Variants in CATSPERE observed in about 807,000 individuals in gnomAD.
CATSPERE encodes catsper channel auxiliary subunit epsilon, also known as cation channel sperm-associated auxiliary subunit epsilon.
A neutral mutation model predicts 114.1 loss-of-function variants in CATSPERE; 93 were observed. The observed-to-expected ratio is 0.81, with a 90% CI of 0.69 to 0.97. The LOEUF (loss-of-function observed/expected upper bound fraction) is 0.97. Ranked by LOEUF, CATSPERE falls within the 50% of genes least tolerant of loss-of-function variation. The pLI is 0.00. For synonymous variants in CATSPERE, 341 were observed against 384.1 expected (o/e 0.89, Z 1.31); for missense variants, 1,058 against 1,131.6 (o/e 0.93, Z 0.93).
At chr1:244,475,209 G>A in intron 2 of CATSPERE, among the ~76,000 whole-genome samples, 1 of 150,092 alleles carries the variant, frequency 6.7e-6, no homozygotes, top group Non-Finnish European at 1.5e-5. Flanking sequence ...ACTGAAAACA[G>A]AGTTTATTCA....
chr1:244,574,068 G>A (rs1664876593), intron 11 of CATSPERE, among the ~76,000 whole-genome samples: 1 of 152,220 alleles, frequency 6.6e-6, no homozygotes, highest in African/African-American at 2.4e-5. Flanking sequence ...TTGCTACTGT[G>A]TCTTGTCTCC....
intron 20 of CATSPERE, among the ~76,000 whole-genome samples, chr1:244,627,872 G>A (rs1396784094): frequency 1.3e-5 from 2 of 152,174 alleles, no homozygotes; most frequent in African/African-American, 4.8e-5. Flanking sequence ...ATTTTAAATT[G>A]CATGCCATTC....
intron 20 of CATSPERE, among the ~76,000 whole-genome samples, chr1:244,621,312 TA>T (rs1210380255): frequency 0.055 from 4,931 of 90,250 alleles, 1,171 homozygotes; most frequent in Non-Finnish European, 0.059. Context: ...TATAAATATA[TA>T]AAATATATAT....
At chr1:244,475,539 T>A (rs549889667) in intron 2 of CATSPERE, among the ~76,000 whole-genome samples, 10 of 127,788 alleles carry the variant, frequency 7.8e-5, no homozygotes, top group African/African-American at 3.3e-4. Context: ...TGGCCACAAT[T>A]TTTTTTTTTT....
intron 8 of CATSPERE, among the ~76,000 whole-genome samples, chr1:244,528,789 A>ACGCG (rs1558436387): frequency 7.3e-4 from 95 of 129,370 alleles, no homozygotes; most frequent in African/African-American, 3.2e-3. Context: ...CCCCCACCAC[A>ACGCG]CACACACACA....
chr1:244,610,426 G>A, intron 19 of CATSPERE, 100 bp downstream of exon 19: 1 of 834,612 alleles, frequency 1.2e-6, no homozygotes, highest in Non-Finnish European at 2.0e-6. Context: ...ATTTAAATTT[G>A]CTTTGGTAAA....
At chr1:244,544,532 G>A (rs1659416213) in intron 8 of CATSPERE, among the ~76,000 whole-genome samples, 2 of 152,184 alleles carry the variant, frequency 1.3e-5, no homozygotes, top group Non-Finnish European at 2.9e-5. Context: ...TTCCTGTCCT[G>A]TGAAGTGAGG....
intron 12 of CATSPERE, 22 bp from the exon 13 acceptor site, chr1:244,583,842 C>A (rs1007453295): frequency 1.2e-6 from 2 of 1,605,138 alleles, no homozygotes; most frequent in African/African-American, 2.7e-5. Flanking sequence ...ATACAATAAC[C>A]TGTACGAATT....
upstream of CATSPERE, chr1:244,451,579 G>T: frequency 6.5e-7 from 1 of 1,532,946 alleles, no homozygotes; most frequent in Non-Finnish European, 8.8e-7. This position sits in a 1 kb window ranked among gnomAD's most constrained non-coding sequence, Gnocchi z 6.6. Context: ...GGCACCAGGA[G>T]CCAGGCAGCC....
intron 8 of CATSPERE, among the ~76,000 whole-genome samples, chr1:244,528,281 C>T (rs1053821268): frequency 6.6e-6 from 1 of 152,122 alleles, no homozygotes; most frequent in Admixed American, 6.5e-5. Context: ...ATCCATACCC[C>T]TGGTGTAAAC....
intron 8 of CATSPERE, among the ~76,000 whole-genome samples, chr1:244,523,557 G>C (rs2148384311): frequency 7.1e-6 from 1 of 141,298 alleles, no homozygotes; most frequent in Non-Finnish European, 1.5e-5. Flanking sequence ...GTCCCTGTTT[G>C]CAGATGACAT....
At chr1:244,458,771 A>G (rs966508705), upstream of CATSPERE, among the ~76,000 whole-genome samples, 7 of 152,258 alleles carry the variant, frequency 4.6e-5, no homozygotes, top group Admixed American at 2.0e-4. Flanking sequence ...TTAATTGCAT[A>G]AGTGCAGTAA....
At chr1:244,632,398 A>AG (rs1674070502) in intron 20 of CATSPERE, among the ~76,000 whole-genome samples, 1 of 151,374 alleles carries the variant, frequency 6.6e-6, no homozygotes, top group East Asian at 1.9e-4. Flanking sequence ...CAACTCAAAA[A>AG]AAAAAAAAAA....
intron 10 of CATSPERE, among the ~76,000 whole-genome samples, chr1:244,566,519 G>A (rs1346055466): frequency 6.6e-6 from 1 of 152,018 alleles, no homozygotes. Flanking sequence ...TTTATTGGGT[G>A]CATGTATATT....
At chr1:244,556,748 C>CT (rs1289952554) in intron 9 of CATSPERE, among the ~76,000 whole-genome samples, 3 of 152,082 alleles carry the variant, frequency 2.0e-5, no homozygotes, top group Admixed American at 1.3e-4. Context: ...TTTATACCTT[C>CT]TTTTTTCCTT....
rs561824623 is a variant in CATSPERE, at chr1:244,492,608, G to T, written c.351+2137G>T. Reference sequence around the variant, plus strand: ...AGTTCTGGCCAGGGCAATTAGGCAGGAGAAGGAAACAAAGGGTATTAAATT... The same window carrying T: ...AGTTCTGGCCAGGGCAATTAGGCAGTAGAAGGAAACAAAGGGTATTAAATT... On this transcript the variant is annotated intron_variant, in intron 6 of 21. Coordinates refer to ENST00000366534, the MANE Select transcript of CATSPERE (RefSeq NM_001130957.2). Among the ~76,000 whole-genome samples the T allele has an allele frequency of 2.7e-3, 416 of 152,190 alleles. 2 individuals are homozygous for T. Among genetic ancestry groups the T allele is most frequent in the Middle Eastern group, 6.8e-3 (2 of 294 alleles).
At chr1:244,498,181 A>G (rs1374578025) in intron 6 of CATSPERE, among the ~76,000 whole-genome samples, 1 of 152,240 alleles carries the variant, frequency 6.6e-6, no homozygotes, top group Non-Finnish European at 1.5e-5. Flanking sequence ...ATAACATCCA[A>G]CTGAAAAATC....
upstream of CATSPERE, chr1:244,451,619 G>A: frequency 1.9e-6 from 3 of 1,599,562 alleles, no homozygotes; most frequent in Admixed American, 5.1e-5. This position sits in a 1 kb window ranked among gnomAD's most constrained non-coding sequence, Gnocchi z 6.6. Flanking sequence ...TCCCATGAGA[G>A]GCCCCGTCGC....
At chr1:244,491,090 C>A (rs904946491) in intron 6 of CATSPERE, among the ~76,000 whole-genome samples, 11 of 151,970 alleles carry the variant, frequency 7.2e-5, no homozygotes, top group African/African-American at 2.4e-4. Context: ...CTGCACCAAG[C>A]GGACCTAATA....
Sources: allele counts gnomAD v4.1 joint callset (sites outside exome capture counted in the v4.1 genomes callset), GRCh38; gene constraint gnomAD v4.1.1; non-coding constraint Gnocchi (gnomAD v3.1); transcripts MANE v1.5; gene names NCBI Gene and HGNC (gene_info 2026-07-23, HGNC 2026-07-21).